Variants in CSMD1 observed in about 807,000 individuals in gnomAD.
CSMD1 encodes the protein CUB and Sushi multiple domains 1.
CSMD1 carries 213 observed loss-of-function variants against 417.5 expected under a neutral mutation model. The ratio of observed to expected loss-of-function variants is 0.51; its 90% CI spans 0.46 to 0.57. The LOEUF is 0.57. CSMD1 is among the 20% of genes least tolerant of loss of function. CSMD1 has a pLI of 0.00. For synonymous variants in CSMD1, 2,862 were observed against 1,736.8 expected, an observed-to-expected ratio of 1.65 and a Z score of -16.11; for missense variants, 6,923 against 4,529.7, an observed-to-expected ratio of 1.53 and a Z score of -15.17.
At chr8:3,274,302 A>G (rs1189071676) in intron 26 of CSMD1, among the ~76,000 whole-genome samples, 2 of 152,116 alleles carry the variant, frequency 1.3e-5, no homozygotes, top group African/African-American at 2.4e-5. Context: ...ACAGTTTGTT[A>G]CAATTTCTGT....
intron 3 of CSMD1, among the ~76,000 whole-genome samples, chr8:4,250,493 T>A (rs1398490984): frequency 6.6e-6 from 1 of 152,194 alleles, no homozygotes; most frequent in African/African-American, 2.4e-5. Context: ...CTGAGTGGTG[T>A]AATGACTCTT....
intron 5 of CSMD1, among the ~76,000 whole-genome samples, chr8:3,950,411 G>T (rs747229070): frequency 6.6e-6 from 1 of 152,226 alleles, no homozygotes; most frequent in Non-Finnish European, 1.5e-5. Flanking sequence ...ACGGGTCAAT[G>T]TAAGTAGCAG....
At chr8:4,741,889 A>T (rs953373744) in intron 1 of CSMD1, among the ~76,000 whole-genome samples, 1 of 151,706 alleles carries the variant, frequency 6.6e-6, no homozygotes, top group Non-Finnish European at 1.5e-5. Context: ...GCTGGAGTAC[A>T]GTAGCATGAT....
At chr8:4,942,748 G>C (rs917912218) in intron 1 of CSMD1, among the ~76,000 whole-genome samples, 3 of 152,152 alleles carry the variant, frequency 2.0e-5, no homozygotes, top group East Asian at 3.9e-4. Flanking sequence ...CATCAACACA[G>C]ACAGGGAGAA....
chr8:4,830,712 C>G (rs564431832), intron 1 of CSMD1, among the ~76,000 whole-genome samples: 3 of 152,270 alleles, frequency 2.0e-5, no homozygotes, highest in African/African-American at 4.8e-5. Context: ...GTATTGCAAC[C>G]CTGTGTCATT....
chr8:3,287,402 A>G (rs1584933717), intron 25 of CSMD1, among the ~76,000 whole-genome samples: 1 of 152,240 alleles, frequency 6.6e-6, no homozygotes, highest in Middle Eastern at 3.4e-3. Context: ...CAGTATGGCC[A>G]TTTTCACAAT....
chr8:3,201,579 A>T (rs1160837343), intron 32 of CSMD1, 33 bp downstream of exon 32: 2 of 1,305,674 alleles, frequency 1.5e-6, no homozygotes, highest in Non-Finnish European at 2.2e-6. Flanking sequence ...AGCTGTCTGA[A>T]CTAAATTAAG....
intron 3 of CSMD1, among the ~76,000 whole-genome samples, chr8:4,095,701 T>A (rs1016846887): frequency 1.3e-5 from 2 of 152,218 alleles, no homozygotes; most frequent in East Asian, 1.9e-4. Context: ...GAAGCTATGA[T>A]GAGGTGCATC....
chr8:4,016,995 C>A (rs1170499438), intron 4 of CSMD1, among the ~76,000 whole-genome samples: 1 of 152,108 alleles, frequency 6.6e-6, no homozygotes, highest in Non-Finnish European at 1.5e-5. Flanking sequence ...ATCACAATAA[C>A]AGAAATCATA....
chr8:3,660,395 T>C (rs1308289129), intron 7 of CSMD1, among the ~76,000 whole-genome samples: 1 of 152,074 alleles, frequency 6.6e-6, no homozygotes, highest in South Asian at 2.1e-4. Flanking sequence ...AATCCACGTA[T>C]GTTGGCATTT....
At chr8:4,579,581 C>T (rs1161706780) in intron 2 of CSMD1, among the ~76,000 whole-genome samples, 1 of 152,140 alleles carries the variant, frequency 6.6e-6, no homozygotes, top group African/African-American at 2.4e-5. Context: ...CCAGGCTGGT[C>T]TCGAGATCCT....
intron 3 of CSMD1, among the ~76,000 whole-genome samples, chr8:4,219,565 A>C (rs199855598): frequency 4.8e-5 from 7 of 146,874 alleles, no homozygotes; most frequent in Non-Finnish European, 9.0e-5. Context: ...TAAAAAAAAA[A>C]CTTAAAAATT....
At chr8:4,316,550 T>C (rs943516604) in intron 3 of CSMD1, among the ~76,000 whole-genome samples, 2 of 152,094 alleles carry the variant, frequency 1.3e-5, no homozygotes, top group South Asian at 2.1e-4. Flanking sequence ...AATAATTATA[T>C]ATAATTAATA....
chr8:3,304,357 A>AT (rs1239249214), intron 25 of CSMD1, among the ~76,000 whole-genome samples: 2 of 152,062 alleles, frequency 1.3e-5, no homozygotes, highest in Non-Finnish European at 2.9e-5. Flanking sequence ...ACCAGACACC[A>AT]TTTTTTCTGA....
intron 1 of CSMD1, among the ~76,000 whole-genome samples, chr8:4,846,538 A>G (rs1030088198): frequency 6.6e-6 from 1 of 152,186 alleles, no homozygotes; most frequent in Non-Finnish European, 1.5e-5. Context: ...GTCCAGCCAC[A>G]GGCTCCTGTA....
intron 5 of CSMD1, among the ~76,000 whole-genome samples, chr8:3,823,030 G>A (rs1377055254): frequency 6.6e-6 from 1 of 152,094 alleles, no homozygotes. Context: ...ACATAATTCG[G>A]CATCAGTAGT....
intron 1 of CSMD1, among the ~76,000 whole-genome samples, chr8:4,815,174 C>T (rs1186272615): frequency 1.3e-5 from 2 of 152,008 alleles, no homozygotes; most frequent in African/African-American, 4.8e-5. Context: ...TGAATGTCTC[C>T]AGATCAATAG....
At chr8:4,113,993 T>C (rs761229595) in intron 3 of CSMD1, among the ~76,000 whole-genome samples, 1 of 152,208 alleles carries the variant, frequency 6.6e-6, no homozygotes, top group Admixed American at 6.5e-5. Flanking sequence ...CAAATGTCAA[T>C]GTAGAAGCTG....
chr8:4,896,798 G>A (rs1203795706), intron 1 of CSMD1, among the ~76,000 whole-genome samples: 1 of 152,024 alleles, frequency 6.6e-6, no homozygotes, highest in African/African-American at 2.4e-5. Flanking sequence ...CAGCGGGGTA[G>A]GGCGGGGGGA....
Sources: allele counts gnomAD v4.1 joint callset (sites outside exome capture counted in the v4.1 genomes callset), GRCh38; gene constraint gnomAD v4.1.1; transcripts MANE v1.5; gene names NCBI Gene and HGNC (gene_info 2026-07-23, HGNC 2026-07-21).